ABCA8: variants seen among roughly 807,000 people sequenced by gnomAD.
ABCA8 encodes ABC-type organic anion transporter ABCA8.
A neutral mutation model predicts 192.3 loss-of-function variants in ABCA8; 177 were observed. The ratio of observed to expected loss-of-function variants is 0.92; its 90% CI spans 0.81 to 1.04. The LOEUF (loss-of-function observed/expected upper bound fraction) is 1.04, where lower values mean the gene tolerates loss of function less well. Ranked by LOEUF, ABCA8 falls within the 50% of genes least tolerant of loss-of-function variation. The pLI is 0.00. For synonymous variants in ABCA8, 642 were observed against 690.2 expected, an observed-to-expected ratio of 0.93 and a Z score of 1.09; for missense variants, 1,915 against 1,904.8, an observed-to-expected ratio of 1.01 and a Z score of -0.10.
chr17:68,898,531 T>C (rs2066826374), intron 21 of ABCA8, among the ~76,000 whole-genome samples: 1 of 152,142 alleles, frequency 6.6e-6, no homozygotes, highest in African/African-American at 2.4e-5. Flanking sequence ...CCAAAGAGGA[T>C]CAGCAAACAC....
chr17:68,905,285 G>A (rs185441161), intron 19 of ABCA8, among the ~76,000 whole-genome samples: 9 of 151,878 alleles, frequency 5.9e-5, no homozygotes, highest in Non-Finnish European at 8.8e-5. Flanking sequence ...ATAGGGAAGA[G>A]GAAAAAAAAT....
At chr17:68,948,960 G>T (rs1197349337) in intron 2 of ABCA8, among the ~76,000 whole-genome samples, 1 of 152,122 alleles carries the variant, frequency 6.6e-6, no homozygotes, top group Non-Finnish European at 1.5e-5. Context: ...TTCTGCATAT[G>T]ACTAACCAGC....
At chr17:68,915,102 A>T (rs568092719) in intron 17 of ABCA8, among the ~76,000 whole-genome samples, 1 of 152,124 alleles carries the variant, frequency 6.6e-6, no homozygotes, top group South Asian at 2.1e-4. Context: ...ATGAACCTAG[A>T]CTCCTATCTG....
chr17:68,934,037 T>C (rs1333218123), intron 5 of ABCA8, among the ~76,000 whole-genome samples: 1 of 152,140 alleles, frequency 6.6e-6, no homozygotes, highest in Non-Finnish European at 1.5e-5. Context: ...GCTAACTGCT[T>C]TCCTGAACGT....
chr17:68,898,513 T>C (rs1052016106), intron 21 of ABCA8, among the ~76,000 whole-genome samples: 4 of 152,110 alleles, frequency 2.6e-5, no homozygotes, highest in Admixed American at 2.6e-4. Context: ...TGAATCCAAG[T>C]GAAAAGGCCA....
At chr17:68,950,736 T>G (rs913473350) in intron 1 of ABCA8, among the ~76,000 whole-genome samples, 1 of 152,194 alleles carries the variant, frequency 6.6e-6, no homozygotes, top group Admixed American at 6.5e-5. Flanking sequence ...TTTGGCTTCT[T>G]GGCTGAAATA....
chr17:68,946,357 C>T, intron 2 of ABCA8, among the ~76,000 whole-genome samples: 1 of 152,102 alleles, frequency 6.6e-6, no homozygotes, highest in Non-Finnish European at 1.5e-5. Flanking sequence ...TGAGCCCCCG[C>T]ACCCAGCCGC....
In ABCA8 at chr17:68,867,883, T is replaced by C. The variant is rs1218997324; in HGVS notation, c.*202A>G. ...GTATGGCCTGCAGAGATACAGAGGC[T>C]GTGAGAGGAGGTTGGCTTAGTCAAA... is the stretch of plus-strand genomic sequence containing the variant. On this transcript the variant is annotated 3_prime_UTR_variant, in exon 40 of 40. Coordinates refer to ENST00000586539, the MANE Select transcript of ABCA8 (RefSeq NM_001288985.2). 10 of 527,350 alleles carry C rather than the reference T, an allele frequency of 1.9e-5. No homozygotes were observed. The highest frequency in any genetic ancestry group is 1.9e-4 in the African/African-American group (10 of 52,962). The allele number at this position is 527,350 out of a possible 1,614,324, so 32.7% of individuals were successfully genotyped here. A position where few individuals can be genotyped will look rare whatever the true frequency, so the allele number is the denominator to read the frequency against.
At chr17:68,895,143 A>T (rs2066714478) in intron 21 of ABCA8, 130 bp from the exon 22 acceptor site, 8 of 574,584 alleles carry the variant, frequency 1.4e-5, no homozygotes, top group Non-Finnish European at 1.9e-5. Flanking sequence ...TCTACATAAC[A>T]TACATAACAT....
chr17:68,918,378 G>T lies in ABCA8; in HGVS notation c.1908+49C>A, dbSNP rs1426039506. On this transcript the variant is annotated intron_variant, in intron 15 of 39. Transcript: ENST00000586539. ...TAAAATATTTGAACTATTACCAAAA[G>T]TTCCATTTTTTAAACTTTGAATTCA... The T allele has an allele frequency of 2.0e-6, 3 of 1,535,610 alleles. No individual in the cohort carries two copies. In the African/African-American group the frequency reaches 4.1e-5, roughly 21 times the overall value.
intron 24 of ABCA8, among the ~76,000 whole-genome samples, chr17:68,888,730 G>A (rs974916815): frequency 2.0e-5 from 3 of 152,176 alleles, no homozygotes; most frequent in African/African-American, 7.2e-5. Flanking sequence ...ATGCTGAGAA[G>A]GGAGTTTGTA....
rs1481 is a variant in ABCA8 at position 68,876,661 on chromosome 17, G to C, written c.4242C>G (p.Pro1414=). 0.76 allele frequency: 1,226,850 copies of C among 1,613,864 alleles called. 469,134 individuals are homozygous for C. The highest frequency in any genetic ancestry group is 0.99 in the East Asian group (44,232 of 44,868). The change falls in exon 34 of 40, where the codon CCC becomes CCG. Residue 1414 remains proline (P), a synonymous_variant. Transcript: ENST00000586539. ...ALKLQDQLKS[P]VKTLSEGIKR... is the part of the protein sequence containing the mutation. The stretch of plus-strand genomic sequence containing the variant: ...TTATTCCCTCTGACAAGGTCTTCAC[G>C]GGAGACTTCAGCTGGTCCTGCAGCT...
intron 19 of ABCA8, among the ~76,000 whole-genome samples, chr17:68,905,647 T>G (rs7209220): frequency 0.83 from 125,963 of 152,050 alleles, 52,831 homozygotes; most frequent in East Asian, 1. Flanking sequence ...GAGAATCTGA[T>G]ATCTGTGGAA....
At chr17:68,908,746 T>C (rs1423991701) in intron 17 of ABCA8, among the ~76,000 whole-genome samples, 2 of 152,216 alleles carry the variant, frequency 1.3e-5, no homozygotes, top group Admixed American at 6.5e-5. Context: ...TTATAAATTA[T>C]ACAGTGGGCA....
At chr17:68,887,904 ATATCCATATATATATATATAT>A (rs1748504679) in intron 24 of ABCA8, among the ~76,000 whole-genome samples, 2 of 56,626 alleles carry the variant, frequency 3.5e-5, no homozygotes, top group East Asian at 7.5e-4. Context: ...ATATATATAT[ATATCCATATATATATATATAT>A]TATATATGGA....
chr17:68,907,908 T>C, intron 17 of ABCA8, 29 bp from the exon 18 acceptor site: 1 of 1,521,090 alleles, frequency 6.6e-7, no homozygotes, highest in Non-Finnish European at 8.8e-7. Flanking sequence ...AAAAAAGACA[T>C]ATGTTACTCG....
chr17:68,909,097 T>C (rs1001589966), intron 17 of ABCA8, among the ~76,000 whole-genome samples: 3 of 152,166 alleles, frequency 2.0e-5, no homozygotes, highest in Non-Finnish European at 4.4e-5. Flanking sequence ...ACTCCTGAAA[T>C]GAAAACAATT....
intron 1 of ABCA8, among the ~76,000 whole-genome samples, chr17:68,953,496 A>G (rs2068625475): frequency 6.6e-6 from 1 of 152,158 alleles, no homozygotes. Flanking sequence ...CAGAAGGCAC[A>G]TTAGCCACAG....
chr17:68,874,944 T>G (rs1598179771), intron 37 of ABCA8, among the ~76,000 whole-genome samples: 1 of 152,194 alleles, frequency 6.6e-6, no homozygotes, highest in East Asian at 1.9e-4. Context: ...ATCAATTTCA[T>G]TTACGAAGGA....
Sources: gnomAD v4.1 joint callset for allele counts (sites outside exome capture counted in the v4.1 genomes callset) on GRCh38, gnomAD v4.1.1 for gene constraint, MANE v1.5 for transcripts, NCBI Gene and HGNC (gene_info 2026-07-23, HGNC 2026-07-21) for gene names.